The following KPNA1 variants were observed in gnomAD, a reference collection of about 807,000 sequenced individuals.
The protein encoded by KPNA1 is karyopherin subunit alpha 1.
A neutral mutation model predicts 70.5 loss-of-function variants in KPNA1; 10 were observed. That is an observed-to-expected ratio of 0.14 (90% CI 0.09 to 0.24). The LOEUF (loss-of-function observed/expected upper bound fraction) is 0.24, where lower values mean the gene tolerates loss of function less well. Ranked by LOEUF, KPNA1 falls within the 10% of genes least tolerant of loss-of-function variation. KPNA1 has a pLI of 1.00. For synonymous variants in KPNA1, 192 were observed against 221.9 expected (o/e 0.87, Z 1.20); for missense variants, 397 against 637.9 (o/e 0.62, Z 4.07).
At chr3:122,460,715 G>C in intron 5 of KPNA1, 1 of 932,360 alleles carries the variant, frequency 1.1e-6, no homozygotes, top group East Asian at 1.2e-4. Flanking sequence ...CCCTTATATA[G>C]TACAGTACTG....
At chr3:122,494,441 A>G (rs1035857647) in intron 2 of KPNA1, among the ~76,000 whole-genome samples, 1 of 152,162 alleles carries the variant, frequency 6.6e-6, no homozygotes. Context: ...CAGTTGGTTG[A>G]CAGTATGGGG....
At chr3:122,439,947 T>C (rs937387280) in intron 10 of KPNA1, among the ~76,000 whole-genome samples, 9 of 152,086 alleles carry the variant, frequency 5.9e-5, no homozygotes, top group South Asian at 4.1e-4. Context: ...GAACTTGCCT[T>C]GTGGGGGAAA....
At chr3:122,459,358 T>C in intron 5 of KPNA1, 2 of 932,354 alleles carry the variant, frequency 2.1e-6, no homozygotes, top group Non-Finnish European at 2.6e-6. Context: ...AAGGAGTAAA[T>C]TCAGTATCTC....
intron 1 of KPNA1, among the ~76,000 whole-genome samples, chr3:122,503,299 G>C (rs1258637383): frequency 6.6e-6 from 1 of 151,726 alleles, no homozygotes; most frequent in Non-Finnish European, 1.5e-5. Flanking sequence ...TGATAAATAA[G>C]GCAAAAGATA....
intron 1 of KPNA1, among the ~76,000 whole-genome samples, chr3:122,507,440 CAA>C (rs11406672): frequency 7.9e-5 from 9 of 113,298 alleles, no homozygotes; most frequent in East Asian, 2.3e-4. Flanking sequence ...GACTCCATCT[CAA>C]AAAAAAAAAA....
At chr3:122,449,782 C>A (rs775768175) in intron 8 of KPNA1, 45 bp from the exon 9 acceptor site, 2 of 1,539,278 alleles carry the variant, frequency 1.3e-6, no homozygotes, top group Admixed American at 1.8e-5. Flanking sequence ...AGACTAAAAG[C>A]CAGAAGTGAG....
chr3:122,450,638 CTT>C (rs2076190548), intron 8 of KPNA1, among the ~76,000 whole-genome samples: 1 of 152,088 alleles, frequency 6.6e-6, no homozygotes, highest in African/African-American at 2.4e-5. Context: ...AAAGGGAACA[CTT>C]TTACACTGTT....
intron 1 of KPNA1, among the ~76,000 whole-genome samples, chr3:122,506,352 T>C (rs912373422): frequency 8.5e-5 from 13 of 152,222 alleles, no homozygotes; most frequent in African/African-American, 2.9e-4. Context: ...AAAAAAGTTA[T>C]GAATTTAAAT....
At chr3:122,488,199 C>T (rs551285412) in intron 2 of KPNA1, among the ~76,000 whole-genome samples, 9 of 152,214 alleles carry the variant, frequency 5.9e-5, no homozygotes, top group African/African-American at 1.4e-4. Flanking sequence ...AAGCTGACTG[C>T]GCTCTTTGAT....
intron 5 of KPNA1, chr3:122,459,740 G>C: frequency 1.0e-6 from 1 of 985,438 alleles, no homozygotes; most frequent in Non-Finnish European, 1.2e-6. Context: ...TCAAACTGGA[G>C]AAGAAAAACT....
intron 2 of KPNA1, among the ~76,000 whole-genome samples, chr3:122,494,361 T>A (rs919979379): frequency 1.3e-5 from 2 of 152,196 alleles, no homozygotes; most frequent in Non-Finnish European, 2.9e-5. Context: ...GCTCTCCAAT[T>A]TTCCCAGCAC....
chr3:122,465,190 C>G (rs536357568), intron 3 of KPNA1, among the ~76,000 whole-genome samples: 95 of 152,326 alleles, frequency 6.2e-4, no homozygotes, highest in African/African-American at 2.2e-3. Context: ...AAAGATTTTG[C>G]ATCCTCTTCC....
chr3:122,492,984 T>C (rs2076716528), intron 2 of KPNA1, among the ~76,000 whole-genome samples: 1 of 152,194 alleles, frequency 6.6e-6, no homozygotes, highest in South Asian at 2.1e-4. Context: ...TTCACAATTA[T>C]TGTGTAACTA....
chr3:122,440,927 T>C (rs566074137), intron 10 of KPNA1, among the ~76,000 whole-genome samples: 1 of 152,266 alleles, frequency 6.6e-6, no homozygotes, highest in Non-Finnish European at 1.5e-5. Context: ...TTAAAGTAAA[T>C]ACATTACAGT....
chr3:122,500,124 T>C (rs926644345), intron 1 of KPNA1, among the ~76,000 whole-genome samples: 5 of 152,130 alleles, frequency 3.3e-5, no homozygotes, highest in Non-Finnish European at 7.4e-5. Flanking sequence ...TTTGTTGTTG[T>C]TGTTGTTGTT....
intron 10 of KPNA1, among the ~76,000 whole-genome samples, chr3:122,441,419 AAGAC>A (rs2076060592): frequency 6.6e-6 from 1 of 152,132 alleles, no homozygotes; most frequent in South Asian, 2.1e-4. Context: ...TGAGATGAAA[AAGAC>A]AGAGAAAAGA....
At chr3:122,434,803 A>G (rs531025059) in intron 11 of KPNA1, among the ~76,000 whole-genome samples, 15 of 152,324 alleles carry the variant, frequency 9.8e-5, no homozygotes, top group Admixed American at 5.9e-4. Flanking sequence ...ACATGGGTTT[A>G]TATCATTTCC....
intron 5 of KPNA1, among the ~76,000 whole-genome samples, chr3:122,458,934 A>G (rs148659429): frequency 1.6e-3 from 244 of 152,308 alleles, no homozygotes; most frequent in African/African-American, 5.6e-3. Context: ...GATAACAAAC[A>G]GTTGGTTATT....
rs59704142 is a variant in KPNA1 at position 122,460,651 on chromosome 3, A to G, written c.432+573T>C. 4,401 of 692,014 alleles carry G rather than the reference A, an allele frequency of 6.4e-3. 106 individuals are homozygous for G. The African/African-American group carries it at 0.074, about 12-fold the overall frequency. The allele number at this position is 692,014 out of a possible 1,614,324, so 42.9% of individuals were successfully genotyped here. On this transcript the variant is annotated intron_variant, in intron 5 of 13. Coordinates refer to ENST00000344337, the MANE Select transcript of KPNA1 (RefSeq NM_002264.4). ...GACTCTGTCTCAAGAAAAAGAAGAA[A>G]AAAAAAAAAAAGAAAATTCTGAATC...
Sources: gnomAD v4.1 joint callset for allele counts (sites outside exome capture counted in the v4.1 genomes callset) on GRCh38, gnomAD v4.1.1 for gene constraint, MANE v1.5 for transcripts, NCBI Gene and HGNC (gene_info 2026-07-23, HGNC 2026-07-21) for gene names.